Variants in RTL9 observed in about 807,000 individuals in gnomAD.
RTL9 encodes the protein retrotransposon Gag like 9.
Under a neutral mutation model 44.7 loss-of-function variants are expected in RTL9, and 19 were observed. The observed-to-expected ratio is 0.42, with a 90% confidence interval of 0.30 to 0.62. The LOEUF is 0.62. Among genes scored for constraint, RTL9 ranks in the 20% least tolerant of loss-of-function variants. The probability of loss-of-function intolerance (pLI) is 0.16; values close to 1 mark genes in which losing one functional copy is unlikely to be tolerated. For missense variants in RTL9, 1,105 were observed against 1,080.6 expected (o/e 1.02, Z -0.32); for synonymous variants, 407 against 398.9 (o/e 1.02, Z -0.24).
At chrX:110,362,873 A>G (rs2068273474) in intron 1 of RTL9, among the ~76,000 whole-genome samples, 1 of 112,047 alleles carries the variant, frequency 8.9e-6, no homozygotes, top group Admixed American at 9.5e-5. Flanking sequence ...GGATTTATAT[A>G]TATTAATTCA....
intron 1 of RTL9, among the ~76,000 whole-genome samples, chrX:110,395,874 G>A (rs1258561354): frequency 9.0e-6 from 1 of 111,252 alleles, no homozygotes; most frequent in African/African-American, 3.3e-5. Flanking sequence ...GGCTGCTACT[G>A]GAGGCCAGAA....
chrX:110,434,510 C>T (rs2068821859), intron 1 of RTL9, among the ~76,000 whole-genome samples: 1 of 111,404 alleles, frequency 9.0e-6, no homozygotes, highest in African/African-American at 3.3e-5. Context: ...CACATGTCAA[C>T]AGGTAGAAAC....
intron 1 of RTL9, among the ~76,000 whole-genome samples, chrX:110,405,088 T>TCCC (rs35297150): frequency 3.4e-4 from 25 of 74,085 alleles, no homozygotes; most frequent in South Asian, 7.4e-4. Context: ...GCTTGTTGTG[T>TCCC]CCCCCCCCCC....
At chrX:110,367,689 C>T (rs923863497) in intron 1 of RTL9, among the ~76,000 whole-genome samples, 9 of 111,265 alleles carry the variant, frequency 8.1e-5, no homozygotes, top group Non-Finnish European at 1.7e-4. Context: ...CCTGCTTCTC[C>T]CACAGCCTTC....
intron 1 of RTL9, among the ~76,000 whole-genome samples, chrX:110,363,422 A>T (rs1237055220): frequency 3.6e-5 from 4 of 111,898 alleles, no homozygotes; most frequent in African/African-American, 1.3e-4. Flanking sequence ...GGCTGCCCAC[A>T]GAAAAGTATT....
chrX:110,402,931 TTCA>T (rs1172042432), intron 1 of RTL9, among the ~76,000 whole-genome samples: 3 of 111,978 alleles, frequency 2.7e-5, no homozygotes, highest in African/African-American at 6.5e-5. Flanking sequence ...TGTGACAGGG[TTCA>T]CTGGGTGTTC....
chrX:110,452,566 C>A (rs2068950680), exon 1 of RTL9: 1 of 1,210,090 alleles, frequency 8.3e-7, no homozygotes, highest in East Asian at 3.0e-5. Context: ...GACACAGTTT[C>A]TGGAGCTCTG....
chrX:110,370,488 C>T (rs1446490402), intron 1 of RTL9, among the ~76,000 whole-genome samples: 7 of 112,563 alleles, frequency 6.2e-5, no homozygotes, highest in South Asian at 3.7e-4. Flanking sequence ...GGATTACAAG[C>T]GTGAGCCACT....
At chrX:110,418,313 C>G (rs764133247), upstream of RTL9, among the ~76,000 whole-genome samples, 33 of 112,367 alleles carry the variant, frequency 2.9e-4, no homozygotes, top group Non-Finnish European at 5.6e-4. Context: ...TACTATCTTG[C>G]AACCCATGAG....
chrX:110,442,247 C>CTGTGTGTGTG (rs908737506), intron 1 of RTL9, among the ~76,000 whole-genome samples: 3 of 97,035 alleles, frequency 3.1e-5, no homozygotes, highest in African/African-American at 1.2e-4. Flanking sequence ...CTCTCTCTCT[C>CTGTGTGTGTG]TGTGTGTGTG....
exon 1 of RTL9, chrX:110,454,006 C>T: frequency 8.3e-7 from 1 of 1,212,099 alleles, no homozygotes; most frequent in Non-Finnish European, 1.1e-6. Context: ...ACTCCTGAAA[C>T]TGCGAAACCA....
chrX:110,389,848 T>C (rs953635639), intron 1 of RTL9, among the ~76,000 whole-genome samples: 1 of 111,654 alleles, frequency 9.0e-6, no homozygotes, highest in Non-Finnish European at 1.9e-5. Flanking sequence ...AGTCAGGTCA[T>C]TGCAGACCAT....
At chrX:110,431,124 A>G (rs933065255) in intron 1 of RTL9, among the ~76,000 whole-genome samples, 1 of 112,017 alleles carries the variant, frequency 8.9e-6, no homozygotes, top group African/African-American at 3.3e-5. Context: ...TTTATTTTCT[A>G]TCTTTGCCAA....
intron 1 of RTL9, among the ~76,000 whole-genome samples, chrX:110,421,946 G>A (rs963278984): frequency 5.3e-5 from 6 of 113,046 alleles, no homozygotes; most frequent in Admixed American, 9.3e-5. Flanking sequence ...ACAGGTTCCT[G>A]AAGTTTTCTT....
chrX:110,415,437 T>C, upstream of RTL9, among the ~76,000 whole-genome samples: 1 of 112,098 alleles, frequency 8.9e-6, no homozygotes, highest in South Asian at 3.7e-4. Flanking sequence ...TTCCCCATTT[T>C]CAAAATGTTC....
At chrX:110,381,902 A>G (rs773935524) in intron 1 of RTL9, among the ~76,000 whole-genome samples, 6 of 110,951 alleles carry the variant, frequency 5.4e-5, no homozygotes, top group African/African-American at 2.0e-4. Context: ...GACATTAAGG[A>G]CTCCAAAAAC....
At chrX:110,422,224 C>A (rs1249718858) in intron 1 of RTL9, among the ~76,000 whole-genome samples, 1 of 112,453 alleles carries the variant, frequency 8.9e-6, no homozygotes, top group Non-Finnish European at 1.9e-5. Context: ...TGGCCCAGAA[C>A]CAGGAACTGT....
At chrX:110,369,075 G>A (rs969293239) in intron 1 of RTL9, among the ~76,000 whole-genome samples, 4 of 112,255 alleles carry the variant, frequency 3.6e-5, no homozygotes, top group Non-Finnish European at 7.5e-5. Flanking sequence ...GCTCACGCCT[G>A]TAATCCCAGC....
intron 1 of RTL9, among the ~76,000 whole-genome samples, chrX:110,408,187 G>A (rs987861068): frequency 4.4e-5 from 5 of 112,600 alleles, no homozygotes; most frequent in African/African-American, 1.6e-4. Flanking sequence ...AGGCTTAGGA[G>A]TCCTGCCAGG....
Sources: gnomAD v4.1 joint callset for allele counts (sites outside exome capture counted in the v4.1 genomes callset) on GRCh38, gnomAD v4.1.1 for gene constraint, MANE v1.5 for transcripts, NCBI Gene and HGNC (gene_info 2026-07-23, HGNC 2026-07-21) for gene names.